TSEN2: variants seen among roughly 807,000 people sequenced by gnomAD.
TSEN2 encodes tRNA splicing endonuclease subunit 2.
TSEN2 carries 54 observed loss-of-function variants against 59.2 expected under a neutral mutation model. That is an observed-to-expected ratio of 0.91 (90% confidence interval 0.73 to 1.14). TSEN2 has a LOEUF of 1.14. TSEN2 is among the 50% of genes most tolerant of loss of function. The probability of loss-of-function intolerance (pLI) is 0.00; values close to 1 mark genes in which losing one functional copy is unlikely to be tolerated. For missense variants in TSEN2, 636 were observed against 576.2 expected (o/e 1.10, Z -1.06); for synonymous variants, 195 against 198.2 (o/e 0.98, Z 0.14).
At chr3:12,537,987 G>T (rs553894724), downstream of TSEN2, among the ~76,000 whole-genome samples, 1 of 152,230 alleles carries the variant, frequency 6.6e-6, no homozygotes, top group African/African-American at 2.4e-5. Flanking sequence ...ACCCTCTGGG[G>T]TTTTGTTGAT....
At chr3:12,510,539 G>A (rs1392223200) in intron 6 of TSEN2, among the ~76,000 whole-genome samples, 1 of 152,164 alleles carries the variant, frequency 6.6e-6, no homozygotes, top group Non-Finnish European at 1.5e-5. Context: ...GACACACCAG[G>A]GTCGGGCGAC....
At chr3:12,509,795 G>A (rs1391452353) in intron 6 of TSEN2, among the ~76,000 whole-genome samples, 2 of 152,176 alleles carry the variant, frequency 1.3e-5, no homozygotes, top group Admixed American at 6.5e-5. Flanking sequence ...GTGCTCACAA[G>A]AGCCTGGGGA....
At position 12,503,541 on chromosome 3, in the gene TSEN2, C is replaced by G; in HGVS notation, c.588C>G (p.Gly196=). 6.2e-7 allele frequency: 1 copy of G among 1,611,988 alleles called. No individual in the cohort carries two copies. The change falls in exon 5 of 12, where the codon GGC becomes GGG. Residue 196 remains glycine (G), a synonymous_variant. Transcript: ENST00000284995. ...PREPLGCLQE[G]SGCHPTTESF... ...AGCCATTAGGCTGCCTGCAGGAGGG[C>G]TCTGGCTGCCACCCAACAACAGAGA... is the stretch of plus-strand genomic sequence containing the variant.
chr3:12,504,534 G>A (rs990147177), intron 5 of TSEN2, among the ~76,000 whole-genome samples: 2 of 152,040 alleles, frequency 1.3e-5, no homozygotes, highest in African/African-American at 4.8e-5. Context: ...GCAACAGTGA[G>A]ACACTGTCTC....
chr3:12,504,741 C>A (rs1413851366), intron 5 of TSEN2, among the ~76,000 whole-genome samples: 1 of 152,034 alleles, frequency 6.6e-6, no homozygotes, highest in African/African-American at 2.4e-5. Flanking sequence ...CACTTCTTGG[C>A]CAAGCGTGGT....
At chr3:12,529,640 G>T (rs1370081777) in intron 9 of TSEN2, 122 bp from the exon 10 acceptor site, 1 of 862,962 alleles carries the variant, frequency 1.2e-6, no homozygotes, top group Non-Finnish European at 1.8e-6. Flanking sequence ...CAATTTAGGG[G>T]AATTTAGAAT....
At position 12,489,091 on chromosome 3, in the gene TSEN2, CAGAG is replaced by C. The variant is rs548602800; in HGVS notation, c.-17-688_-17-685del. ...TTTTGCAGGTGAGGAAACTAAATCA[CAGAG>C]AGAGTCAGTGACTTTTGCCCAAAAT... On this transcript the variant is annotated intron_variant, in intron 1 of 11. Coordinates refer to ENST00000284995, the MANE Select transcript of TSEN2 (RefSeq NM_025265.4). Among the ~76,000 whole-genome samples, 618 of 149,156 alleles carry C rather than the reference CAGAG, an allele frequency of 4.1e-3. 4 individuals carry two copies. The highest frequency in any genetic ancestry group is 0.014 in the African/African-American group (584 of 40,834).
At position 12,527,478 on chromosome 3, in the gene TSEN2, G is replaced by C. The variant is rs561487730; in HGVS notation, c.1100-1410G>C. ...TTTCTTTTTTTTTTTTTTTGAGACG[G>C]AGTCTCGCTCTGTCGCCCAGGCTGG... On this transcript the variant is annotated intron_variant, in intron 8 of 11. Transcript: ENST00000284995. 1.6e-4 allele frequency among the ~76,000 whole-genome samples: 24 copies of C among 147,512 alleles called. No individual in the cohort carries two copies. The South Asian group carries it at 4.1e-3, about 25-fold the overall frequency.
At chr3:12,536,426 A>G (rs779560124), downstream of TSEN2, among the ~76,000 whole-genome samples, 4 of 152,160 alleles carry the variant, frequency 2.6e-5, no homozygotes, top group Admixed American at 6.6e-5. Context: ...TCCCATGAAC[A>G]TTGATTGAGT....
chr3:12,518,926 A>G (rs2056387400), intron 7 of TSEN2, 133 bp from the exon 8 acceptor site: 2 of 857,278 alleles, frequency 2.3e-6, no homozygotes, highest in Non-Finnish European at 3.7e-6. Context: ...AAATAAATAA[A>G]TTGCTCTGCT....
intron 2 of TSEN2, among the ~76,000 whole-genome samples, chr3:12,491,291 C>G (rs528443361): frequency 6.6e-6 from 1 of 152,142 alleles, no homozygotes; most frequent in Non-Finnish European, 1.5e-5. Context: ...CATACCTGGC[C>G]TCTTTATTCT....
At position 12,509,958 on chromosome 3, in the gene TSEN2, G is replaced by C. The variant is rs1430935560; in HGVS notation, c.909+4727G>C. ...AGCACAGAGTTAGCCTGTGAGGAGT[G>C]AGCTGGATAATACAAGTGCTTAAGG... On this transcript the variant is annotated intron_variant, in intron 6 of 11. Transcript: ENST00000284995. Among the ~76,000 whole-genome samples, 4 of 152,216 alleles carry C rather than the reference G, an allele frequency of 2.6e-5. No individual in the cohort carries two copies. In the South Asian group the frequency reaches 8.3e-4, roughly 32 times the overall value.
At chr3:12,513,492 G>A (rs764456728) in intron 6 of TSEN2, among the ~76,000 whole-genome samples, 2 of 152,114 alleles carry the variant, frequency 1.3e-5, no homozygotes, top group African/African-American at 4.8e-5. Flanking sequence ...ATCTTTGTAC[G>A]ATTTGATCTT....
At chr3:12,523,402 A>G (rs977939888) in intron 8 of TSEN2, among the ~76,000 whole-genome samples, 2 of 152,052 alleles carry the variant, frequency 1.3e-5, no homozygotes, top group Non-Finnish European at 2.9e-5. Flanking sequence ...AGAAGAAACC[A>G]TGACCTGTTG....
chr3:12,531,703 G>A (rs1199160853), intron 11 of TSEN2, 44 bp downstream of exon 11: 1 of 1,275,034 alleles, frequency 7.8e-7, no homozygotes, highest in African/African-American at 1.5e-5. Flanking sequence ...AAGATTCTGT[G>A]AATCATAGTG....
chr3:12,524,873 G>A (rs1255141519), intron 8 of TSEN2, among the ~76,000 whole-genome samples: 1 of 151,436 alleles, frequency 6.6e-6, no homozygotes, highest in Non-Finnish European at 1.5e-5. Context: ...CTCCTAAGTA[G>A]CTGGGATTAC....
At chr3:12,500,444 G>C (rs1353195210) in intron 4 of TSEN2, among the ~76,000 whole-genome samples, 2 of 152,158 alleles carry the variant, frequency 1.3e-5, no homozygotes, top group Non-Finnish European at 2.9e-5. Flanking sequence ...TGTGACAGAA[G>C]GCACAGAGGT....
chr3:12,505,762 T>A (rs1162015401), intron 6 of TSEN2, among the ~76,000 whole-genome samples: 1 of 131,922 alleles, frequency 7.6e-6, no homozygotes, highest in Admixed American at 8.8e-5. Flanking sequence ...CCAGCCTGGG[T>A]GACAGAATGA....
intron 8 of TSEN2, among the ~76,000 whole-genome samples, chr3:12,522,141 T>C (rs2655260): frequency 0.64 from 97,085 of 151,650 alleles, 33,666 homozygotes; most frequent in African/African-American, 0.91. Context: ...ATACTGTGGT[T>C]CTTTTGTCTG....
Sources: gnomAD v4.1 joint callset for allele counts (sites outside exome capture counted in the v4.1 genomes callset) on GRCh38, gnomAD v4.1.1 for gene constraint, MANE v1.5 for transcripts, NCBI Gene and HGNC (gene_info 2026-07-23, HGNC 2026-07-21) for gene names.